DCHS1: variants seen among roughly 807,000 people sequenced by gnomAD.
DCHS1 encodes the protein dachsous cadherin-related 1, also known as protocadherin-16.
Under a neutral mutation model 213.9 loss-of-function variants are expected in DCHS1, and 78 were observed. The observed-to-expected ratio is 0.36, with a 90% CI of 0.30 to 0.44. DCHS1 has a LOEUF of 0.44. DCHS1 is among the 20% of genes least tolerant of loss of function. DCHS1 has a pLI of 1.00. For synonymous variants in DCHS1, 1,828 were observed against 1,873.7 expected, an observed-to-expected ratio of 0.98 and a Z score of 0.63; for missense variants, 3,946 against 4,395.9, an observed-to-expected ratio of 0.90 and a Z score of 2.89.
rs111515657 is a variant in DCHS1, at chr11:6,627,472, G to C, written c.5567C>G (p.Pro1856Arg). 1.9e-6 allele frequency: 3 copies of C among 1,611,318 alleles called. No homozygotes were observed. The Admixed American group carries it at 5.0e-5, about 27-fold the overall frequency. Residue 1856 changes from proline to arginine, a missense_variant, in exon 14 of 21, where the codon CCT becomes CGT. Physicochemically the swap from Pro to Arg is moderately radical, Grantham distance 103. Coordinates refer to ENST00000299441, the MANE Select transcript of DCHS1 (RefSeq NM_003737.4). The surrounding 1 kb of genome is among the most constrained non-coding windows in gnomAD (Gnocchi z 5.4). ...CACCTCCACCGAGTAGGCAGGCACAGGAAAGGCTGGAGCATGGTCATTGGC... is the reference window on the plus strand; with the variant it reads ...CACCTCCACCGAGTAGGCAGGCACACGAAAGGCTGGAGCATGGTCATTGGC... ...LDANDHAPAF[P>R]VPAYSVEVPE...
chr11:6,632,976 A>G lies in DCHS1; in HGVS notation c.2536T>C (p.Leu846=). 6.2e-7 allele frequency: 1 copy of G among 1,614,018 alleles called. No individual in the cohort carries two copies. Among genetic ancestry groups the G allele is most frequent in the Non-Finnish European group, 8.5e-7 (1 of 1,179,882 alleles). Residue 846 remains leucine, a synonymous_variant, in exon 6 of 21, where the codon TTG becomes CTG. Coordinates refer to ENST00000299441, the MANE Select transcript of DCHS1 (RefSeq NM_003737.4). The surrounding 1 kb of genome is among the most constrained non-coding windows in gnomAD (Gnocchi z 5.9). ...CGGTCCAGAGGGCGAAGTGTTTGCA[A>G]CAGTCCTGATACCGCATCTAGGGAG... ...LFSLDAVSGL[L]QTLRPLDREL...
chr11:6,638,516 T>G (rs1294772351), intron 2 of DCHS1, among the ~76,000 whole-genome samples: 1 of 152,218 alleles, frequency 6.6e-6, no homozygotes, highest in African/African-American at 2.4e-5. Context: ...TCCTGGTATT[T>G]GTTCAGCAGC....
intron 12 of DCHS1, 38 bp downstream of exon 12, chr11:6,629,414 C>T: frequency 1.2e-6 from 2 of 1,608,492 alleles, no homozygotes; most frequent in Non-Finnish European, 1.7e-6. Context: ...GTGTTTACAA[C>T]ACCTCACTCA....
rs1378554459 is a variant in DCHS1, at chr11:6,624,298, G to A, written c.7378C>T (p.Pro2460Ser). The A allele has an allele frequency of 6.3e-7, 1 of 1,592,748 alleles. No homozygotes were observed. The highest frequency in any genetic ancestry group is 1.1e-5 in the South Asian group (1 of 88,452). ...ACTGTGGCTCGTGCTGCCCGGCCTG[G>A]AGCCCCGTGGTCTCGTGCTTCCAGC... ...VVLEARDHGA[P>S]GRAARATVHV... Residue 2460 changes from proline (P) to serine (S), a missense_variant, in exon 21 of 21, where the codon CCA (proline) becomes TCA (serine). This residue lies in a region of DCHS1 where 3,384 missense variants were observed against 3,780.1 expected (regional missense o/e 0.90). Coordinates refer to ENST00000299441, the MANE Select transcript of DCHS1 (RefSeq NM_003737.4).
At chr11:6,644,039 T>G (rs571796317) in intron 1 of DCHS1, among the ~76,000 whole-genome samples, 3 of 152,322 alleles carry the variant, frequency 2.0e-5, no homozygotes, top group South Asian at 4.1e-4. Flanking sequence ...CATCTCTCCT[T>G]GTGATTCCTG....
Position 6,624,807 on chromosome 11 carries a change from C to T in DCHS1, c.7208G>A (p.Arg2403Gln), listed in dbSNP as rs949582086. 5.6e-6 allele frequency: 9 copies of T among 1,613,844 alleles called. No individual in the cohort carries two copies. Among genetic ancestry groups the T allele is most frequent in the Admixed American group, 3.3e-5 (2 of 60,006 alleles). The change falls in exon 20 of 21, where the codon CGG (arginine) becomes CAG (glutamine). Residue 2403 changes from arginine to glutamine, a missense_variant. Physicochemically the swap from Arg to Gln is conservative, Grantham distance 43. This residue lies in a region of DCHS1 where 3,384 missense variants were observed against 3,780.1 expected (regional missense o/e 0.90). Coordinates refer to ENST00000299441, the MANE Select transcript of DCHS1 (RefSeq NM_003737.4). ...SAILSVSATD[R>Q]DSGANGHISY... ...AATGTGACCGTTGGCACCTGAGTCC[C>T]GATCAGTGGCAGAGACGGAGAGAAT...
Position 6,627,520 on chromosome 11 carries a change from A to G in DCHS1, c.5519T>C (p.Leu1840Pro). ...GGQPALSATL[L>P]LTVTVLDAND... ...GGCATCCAGCACTGTCACTGTCAAA[A>G]GCAGCGTGGCACTGAGAGCTGGCTG... The change falls in exon 14 of 21, where the codon CTT (leucine) becomes CCT (proline). Residue 1840 changes from leucine (L) to proline (P), a missense_variant. This residue lies in a region of DCHS1 where 3,384 missense variants were observed against 3,780.1 expected (regional missense o/e 0.90). Transcript: ENST00000299441. This position sits in a 1 kb window ranked among gnomAD's most constrained non-coding sequence, Gnocchi z 5.4. 6.2e-7 allele frequency: 1 copy of G among 1,612,466 alleles called. No homozygotes were observed. The highest frequency in any genetic ancestry group is 8.5e-7 in the Non-Finnish European group (1 of 1,179,478).
Position 6,629,849 on chromosome 11 carries a change from C to G in DCHS1, c.4858G>C (p.Val1620Leu), listed in dbSNP as rs778171601. Residue 1620 changes from valine to leucine, a missense_variant, in exon 11 of 21, where the codon GTG (valine) becomes CTG (leucine). By Grantham distance (32) the Val-to-Leu change is conservative. Transcript: ENST00000299441. Reference sequence around the variant, plus strand: ...GGCGGGGAGCCGTGGTCTGAGGCCACCACTGTCAGTACGTGCTCAGCTCGT... The same window carrying G: ...GGCGGGGAGCCGTGGTCTGAGGCCAGCACTGTCAGTACGTGCTCAGCTCGT... ...EQRAEHVLTVVASDHGSPPRS... is the reference protein window; with the variant it reads ...EQRAEHVLTVLASDHGSPPRS... 6.2e-7 allele frequency: 1 copy of G among 1,613,106 alleles called. No individual in the cohort carries two copies. The highest frequency in any genetic ancestry group is 2.2e-5 in the East Asian group (1 of 44,878).
chr11:6,622,103 C>A lies in DCHS1; in HGVS notation c.9573G>T (p.Arg3191=), dbSNP rs773666492. 1 of 1,613,034 alleles carries A rather than the reference C, an allele frequency of 6.2e-7. No individual in the cohort carries two copies. The highest frequency in any genetic ancestry group is 1.7e-5 in the Admixed American group (1 of 59,988). The change falls in exon 21 of 21, where the codon CGG becomes CGT. Residue 3191 remains arginine, a synonymous_variant. Coordinates refer to ENST00000299441, the MANE Select transcript of DCHS1 (RefSeq NM_003737.4). This position sits in a 1 kb window ranked among gnomAD's most constrained non-coding sequence, Gnocchi z 5.4. ...TEIARLKDEA[R]PCPPAPRIDP... ...CGATACGGGGAGCTGGGGGACATGG[C>A]CGAGCTTCATCCTTGAGCCGAGCGA...
chr11:6,646,261 G>A (rs1856153715), intron 1 of DCHS1, among the ~76,000 whole-genome samples: 2 of 152,050 alleles, frequency 1.3e-5, no homozygotes, highest in Non-Finnish European at 2.9e-5. Flanking sequence ...ACATGCTGCC[G>A]GGGCACTCGT....
chr11:6,621,973 G>A lies in DCHS1; in HGVS notation c.9703C>T (p.His3235Tyr). 6.2e-7 allele frequency: 1 copy of A among 1,613,608 alleles called. No individual in the cohort carries two copies. The highest frequency in any genetic ancestry group is 8.5e-7 in the Non-Finnish European group (1 of 1,179,792). The change falls in exon 21 of 21, where the codon CAC (histidine) becomes TAC (tyrosine). Residue 3235 changes from histidine (H) to tyrosine (Y), a missense_variant. Transcript: ENST00000299441. ...CCTTCATGGCTGATGGGGGAGCGGT[G>A]AGAAGCTGGTGGGAAGATGGCCCGG... is the stretch of plus-strand genomic sequence containing the variant. The part of the protein sequence containing the change: ...AARAIFPPAS[H>Y]RSPISHEGSL...
In DCHS1 at chr11:6,632,235, C is replaced by A. The variant is rs748662322; in HGVS notation, c.3277G>T (p.Val1093Phe). 2.5e-6 allele frequency: 4 copies of A among 1,613,558 alleles called. No homozygotes were observed. The highest frequency in any genetic ancestry group is 2.2e-5 in the South Asian group (2 of 91,054). Residue 1093 changes from valine (V) to phenylalanine (F), a missense_variant, in exon 6 of 21, where the codon GTC becomes TTC. Transcript: ENST00000299441. This position sits in a 1 kb window ranked among gnomAD's most constrained non-coding sequence, Gnocchi z 5.9. Reference sequence around the variant, plus strand: ...TGTTCATTCTGGTTGAGGATGCTGACCCTCACGGTGGCTGTGCCTGTCTGC... The same window carrying A: ...TGTTCATTCTGGTTGAGGATGCTGAACCTCACGGTGGCTGTGCCTGTCTGC... ...GQQTGTATVR[V>F]SILNQNEHSP...
At position 6,622,364 on chromosome 11, in the gene DCHS1, G is replaced by A. The variant is rs899789828; in HGVS notation, c.9312C>T (p.Ala3104=). The part of the protein sequence containing the change: ...KAGLLLPGAG[A]TLYREEGPPA... ...GGGGCCCCTCCTCTCTGTAGAGAGT[G>A]GCTCCTGCACCTGGCAGCAGCAGCC... is the stretch of plus-strand genomic sequence containing the variant. Residue 3104 remains alanine, a synonymous_variant, in exon 21 of 21, where the codon GCC becomes GCT. Coordinates refer to ENST00000299441, the MANE Select transcript of DCHS1 (RefSeq NM_003737.4). This position sits in a 1 kb window ranked among gnomAD's most constrained non-coding sequence, Gnocchi z 5.4. 3.9e-5 allele frequency: 62 copies of A among 1,578,128 alleles called. 1 individual carries two copies. The Admixed American group carries it at 1.1e-3, about 27-fold the overall frequency.
At chr11:6,633,172 A>C in intron 5 of DCHS1, 116 bp from the exon 6 acceptor site, 1 of 1,316,420 alleles carries the variant, frequency 7.6e-7, no homozygotes, top group Non-Finnish European at 1.0e-6. Flanking sequence ...CTTTCAAAAT[A>C]TTAGGAGGAG....
Position 6,641,593 on chromosome 11 carries a change from A to G in DCHS1, c.21T>C (p.Ile7=), listed in dbSNP as rs1475846396. The part of the protein sequence containing the change: MQKELG[I]VPSCPGMKSP... ...TCTTCATGCCAGGGCAGGAAGGCAC[A>G]ATGCCCAGCTCCTTCTGCATGACAA... Residue 7 remains isoleucine, a synonymous_variant, in exon 2 of 21, where the codon ATT becomes ATC. Transcript: ENST00000299441. The surrounding 1 kb of genome is among the most constrained non-coding windows in gnomAD (Gnocchi z 7.1). 1 of 1,549,192 alleles carries G rather than the reference A, an allele frequency of 6.5e-7. No homozygotes were observed. Among genetic ancestry groups the G allele is most frequent in the South Asian group, 1.2e-5 (1 of 83,986 alleles).
chr11:6,629,993 T>A lies in DCHS1; in HGVS notation c.4795+6A>T, dbSNP rs377212410. The A allele has an allele frequency of 1.3e-6, 2 of 1,575,594 alleles. No homozygotes were observed. The highest frequency in any genetic ancestry group is 1.3e-5 in the African/African-American group (1 of 74,274). On this transcript the variant is annotated splice_donor_region_variant and intron_variant, in intron 10 of 20. Transcript: ENST00000299441. The stretch of plus-strand genomic sequence containing the variant: ...CCTCGCCCTCACTCCCAGACCTAAC[T>A]CTCACCAGTGCTTGAGTGCAGCCGG...
At position 6,622,315 on chromosome 11, in the gene DCHS1, C is replaced by T; in HGVS notation, c.9361G>A (p.Gly3121Arg). Reference protein sequence around the residue: ...GPPATATAFLGGCGLSPAPTG... With the variant: ...GPPATATAFLRGCGLSPAPTG... ...GGTGCAGGGCTCAGGCCACAGCCCC[C>T]CAGGAAGGCTGTGGCAGTGGCTGGG... Residue 3121 changes from glycine to arginine, a missense_variant, in exon 21 of 21, where the codon GGG becomes AGG. This residue lies in a region of DCHS1 where 554 missense variants were observed against 590.2 expected (regional missense o/e 0.94). Transcript: ENST00000299441. The surrounding 1 kb of genome is among the most constrained non-coding windows in gnomAD (Gnocchi z 5.4). 6 of 1,606,088 alleles carry T rather than the reference C, an allele frequency of 3.7e-6. No homozygotes were observed. Among genetic ancestry groups the T allele is most frequent in the Non-Finnish European group, 5.1e-6 (6 of 1,176,512 alleles).
At position 6,632,328 on chromosome 11, in the gene DCHS1, G is replaced by C. The variant is rs151278380; in HGVS notation, c.3184C>G (p.Arg1062Gly). Reference sequence around the variant, plus strand: ...AGTATGTACAATTCCTGGGCCTCACGGTCTAGTGCTGCCCGCACCCATAGC... The same window carrying C: ...AGTATGTACAATTCCTGGGCCTCACCGTCTAGTGCTGCCCGCACCCATAGC... ...GWLWVRAALD[R>G]EAQELYILKV... The change falls in exon 6 of 21, where the codon CGT becomes GGT. Residue 1062 changes from arginine to glycine, a missense_variant. This residue lies in a region of DCHS1 where 3,384 missense variants were observed against 3,780.1 expected (regional missense o/e 0.90). Transcript: ENST00000299441. This position sits in a 1 kb window ranked among gnomAD's most constrained non-coding sequence, Gnocchi z 5.9. The C allele has an allele frequency of 1.6e-4, 259 of 1,613,912 alleles. No individual in the cohort carries two copies. The African/African-American group carries it at 3.0e-3, about 18-fold the overall frequency.
At chr11:6,639,132 G>A (rs1856028467) in intron 2 of DCHS1, among the ~76,000 whole-genome samples, 1 of 151,900 alleles carries the variant, frequency 6.6e-6, no homozygotes, top group South Asian at 2.1e-4. Flanking sequence ...AAGAAGTTCA[G>A]TGAGCTCCTT....
Sources: allele counts gnomAD v4.1 joint callset (sites outside exome capture counted in the v4.1 genomes callset), GRCh38; gene constraint gnomAD v4.1.1; regional missense constraint gnomAD v4.1.1; non-coding constraint Gnocchi (gnomAD v3.1); transcripts MANE v1.5; gene names NCBI Gene and HGNC (gene_info 2026-07-23, HGNC 2026-07-21).